The following TMEM165 variants were observed in gnomAD, a reference collection of about 807,000 sequenced individuals.
TMEM165 encodes putative divalent cation/proton antiporter TMEM165.
A neutral mutation model predicts 30.0 loss-of-function variants in TMEM165; 19 were observed. The observed-to-expected ratio is 0.63, with a 90% CI of 0.44 to 0.93. The LOEUF (loss-of-function observed/expected upper bound fraction) is 0.93. Ranked by LOEUF, TMEM165 falls within the 40% of genes least tolerant of loss-of-function variation. TMEM165 has a pLI of 0.00. For synonymous variants in TMEM165, 168 were observed against 162.9 expected, an observed-to-expected ratio of 1.03 and a Z score of -0.24; for missense variants, 340 against 417.0, an observed-to-expected ratio of 0.82 and a Z score of 1.61.
At chr4:55,451,616 T>C (rs1724464749) in intron 3 of TMEM165, among the ~76,000 whole-genome samples, 1 of 152,292 alleles carries the variant, frequency 6.6e-6, no homozygotes, top group South Asian at 2.1e-4. Flanking sequence ...CTGGTGTGTA[T>C]TTTGGAAACA....
At chr4:55,431,784 G>A (rs998203642) in intron 3 of TMEM165, 20 of 152,176 alleles carry the variant, frequency 1.3e-4, no homozygotes, top group African/African-American at 3.1e-4. Context: ...CAATGTAGTG[G>A]AAACATCTGA....
chr4:55,448,568 C>T (rs1724081144), intron 3 of TMEM165, among the ~76,000 whole-genome samples: 1 of 150,036 alleles, frequency 6.7e-6, no homozygotes, highest in Admixed American at 6.7e-5. Context: ...GCATCTGTAA[C>T]TATAATTATA....
intron 3 of TMEM165, among the ~76,000 whole-genome samples, chr4:55,450,388 G>C (rs578259463): frequency 5.9e-4 from 90 of 152,304 alleles, no homozygotes; most frequent in African/African-American, 2.1e-3. Context: ...GAAAATTTAT[G>C]TGTTATAGCC....
At chr4:55,451,337 T>G (rs1478754971) in intron 3 of TMEM165, among the ~76,000 whole-genome samples, 1 of 152,222 alleles carries the variant, frequency 6.6e-6, no homozygotes, top group Admixed American at 6.5e-5. Context: ...CACTCCTCAC[T>G]GATACTCTTG....
At chr4:55,444,497 T>C (rs1039875344) in intron 3 of TMEM165, 6 of 1,002,420 alleles carry the variant, frequency 6.0e-6, no homozygotes, top group Admixed American at 1.8e-5. Flanking sequence ...ACTGAGTAGG[T>C]AACCAGTGAA....
chr4:55,427,705 G>A (rs540991765), downstream of TMEM165, among the ~76,000 whole-genome samples: 3 of 152,260 alleles, frequency 2.0e-5, no homozygotes, highest in South Asian at 4.1e-4. Flanking sequence ...CACCATCATC[G>A]TGTAACCTCA....
intron 3 of TMEM165, chr4:55,438,554 G>C (rs1172937295): frequency 1.2e-6 from 2 of 1,612,346 alleles, no homozygotes; most frequent in African/African-American, 2.7e-5. Flanking sequence ...GAAGAAAGAA[G>C]GAAAAAAATT....
intron 3 of TMEM165, among the ~76,000 whole-genome samples, chr4:55,437,600 C>T (rs1722987112): frequency 6.6e-6 from 1 of 152,138 alleles, no homozygotes; most frequent in Non-Finnish European, 1.5e-5. Context: ...TAGCCATGTG[C>T]CTTGTCTTAT....
chr4:55,419,874 G>A (rs1721890934), intron 4 of TMEM165, among the ~76,000 whole-genome samples: 1 of 150,748 alleles, frequency 6.6e-6, no homozygotes, highest in African/African-American at 2.4e-5. Context: ...GCTGTATTTT[G>A]GGGAAAAAAA....
At chr4:55,448,957 A>G in intron 3 of TMEM165, 2 of 1,044,070 alleles carry the variant, frequency 1.9e-6, no homozygotes, top group Non-Finnish European at 2.9e-6. Context: ...TATTCGTATT[A>G]ATAAACTTAC....
chr4:55,418,825 T>C (rs1721848042), intron 4 of TMEM165, among the ~76,000 whole-genome samples: 1 of 152,110 alleles, frequency 6.6e-6, no homozygotes, highest in Non-Finnish European at 1.5e-5. Context: ...GGTGGGCGGA[T>C]CACCTGAGGT....
chr4:55,450,046 G>T (rs1724279946), intron 3 of TMEM165: 1 of 1,602,640 alleles, frequency 6.2e-7, no homozygotes, highest in African/African-American at 1.3e-5. Flanking sequence ...TAAAAGTTTA[G>T]TTAGTTACTT....
chr4:55,424,845 A>C (rs1722126462), intron 5 of TMEM165: 1 of 526,140 alleles, frequency 1.9e-6, no homozygotes, highest in East Asian at 3.3e-5. Flanking sequence ...ATACAAAGTC[A>C]TTTTTATCGA....
At chr4:55,452,960 T>C (rs1724599300) in exon 4 of TMEM165, 4 of 863,174 alleles carry the variant, frequency 4.6e-6, no homozygotes, top group Admixed American at 2.3e-5. Context: ...GGAAATAAAG[T>C]ATTTTTGAAA....
intron 1 of TMEM165, among the ~76,000 whole-genome samples, chr4:55,401,979 G>C (rs188719383): frequency 4.0e-5 from 6 of 149,234 alleles, no homozygotes; most frequent in Middle Eastern, 3.4e-3. Flanking sequence ...TTAGCTGGGC[G>C]TGGTGGCACA....
rs1273628156 is a variant in TMEM165 at position 55,396,013 on chromosome 4, C to T, written c.-177C>T. ...GGCGCCGAGCCGGGGCTGCGGACTT[C>T]GGCCTGCCCCTCACCTCACTCCCGC... On this transcript the variant is annotated 5_prime_UTR_variant, in exon 1 of 6. Transcript: ENST00000381334. 4.6e-6 allele frequency: 2 copies of T among 431,404 alleles called. No homozygotes were observed. Among genetic ancestry groups the T allele is most frequent in the East Asian group, 8.1e-5 (2 of 24,816 alleles). The allele number at this position is 431,404 out of a possible 1,614,324, so 26.7% of individuals were successfully genotyped here.
chr4:55,411,944 T>C (rs1221261866), intron 2 of TMEM165, 105 bp downstream of exon 2: 2 of 1,094,830 alleles, frequency 1.8e-6, no homozygotes, highest in Non-Finnish European at 2.7e-6. Flanking sequence ...GAATTTGGCT[T>C]ACACCTTATT....
chr4:55,400,789 C>T (rs1013400396), intron 1 of TMEM165, among the ~76,000 whole-genome samples: 6 of 150,410 alleles, frequency 4.0e-5, no homozygotes, highest in East Asian at 3.9e-4. Flanking sequence ...TTTTCCTCTA[C>T]GGTACTCACT....
intron 1 of TMEM165, among the ~76,000 whole-genome samples, chr4:55,399,438 C>G (rs1720862695): frequency 6.6e-6 from 1 of 152,162 alleles, no homozygotes; most frequent in Non-Finnish European, 1.5e-5. Context: ...TAGTGTTCAT[C>G]TTTTAGCCCT....
Sources: allele counts gnomAD v4.1 joint callset (sites outside exome capture counted in the v4.1 genomes callset), GRCh38; gene constraint gnomAD v4.1.1; transcripts MANE v1.5; gene names NCBI Gene and HGNC (gene_info 2026-07-23, HGNC 2026-07-21).